Variants in PECR observed in about 807,000 individuals in gnomAD.
PECR encodes the protein 2,4-dienoyl-CoA reductase-related protein.
In PECR, 30 loss-of-function variants were observed where a neutral mutation model predicts 35.3. The observed-to-expected ratio is 0.85, with a 90% CI of 0.64 to 1.15. The LOEUF (loss-of-function observed/expected upper bound fraction) is 1.15. Ranked by LOEUF, PECR falls within the 50% of genes most tolerant of loss-of-function variation. The pLI is 0.00. For synonymous variants in PECR, 148 were observed against 138.9 expected, an observed-to-expected ratio of 1.07 and a Z score of -0.46; for missense variants, 392 against 370.8, an observed-to-expected ratio of 1.06 and a Z score of -0.47.
At chr2:216,035,462 C>T (rs1694778168), downstream of PECR, among the ~76,000 whole-genome samples, 1 of 151,698 alleles carries the variant, frequency 6.6e-6, no homozygotes, top group South Asian at 2.1e-4. Context: ...TGGGTGTCAG[C>T]CCCAGGGGTG....
At chr2:216,032,194 T>C (rs1694720691) in intron 7 of PECR, among the ~76,000 whole-genome samples, 1 of 152,248 alleles carries the variant, frequency 6.6e-6, no homozygotes, top group Admixed American at 6.5e-5. Flanking sequence ...TTGAAAAAGC[T>C]GACTCTGTTG....
chr2:216,040,659 A>C (rs1361444058), intron 7 of PECR, among the ~76,000 whole-genome samples: 1 of 152,170 alleles, frequency 6.6e-6, no homozygotes, highest in Admixed American at 6.5e-5. Context: ...ACCTGAGGTC[A>C]GGAGTTCGAG....
intron 4 of PECR, chr2:216,057,963 T>C (rs1433330671): frequency 6.6e-6 from 1 of 152,172 alleles, no homozygotes; most frequent in East Asian, 1.9e-4. Context: ...CCTGTAACTC[T>C]TGCTAGTACT....
chr2:216,068,480 G>T (rs547333228), intron 1 of PECR, among the ~76,000 whole-genome samples: 2 of 152,044 alleles, frequency 1.3e-5, no homozygotes, highest in East Asian at 1.9e-4. Flanking sequence ...TCTCAAAAAT[G>T]ATGGCAAAAT....
intron 1 of PECR, among the ~76,000 whole-genome samples, chr2:216,079,362 T>C (rs184242837): frequency 2.0e-5 from 3 of 151,882 alleles, no homozygotes; most frequent in African/African-American, 7.2e-5. Context: ...CATTTTTGCA[T>C]ATGTAATACT....
At chr2:216,042,852 G>C (rs900735459) in intron 7 of PECR, among the ~76,000 whole-genome samples, 3 of 151,538 alleles carry the variant, frequency 2.0e-5, no homozygotes, top group Admixed American at 6.6e-5. Flanking sequence ...CGCCTCCTGG[G>C]TTTACGTGAT....
Position 216,049,258 on chromosome 2 carries a change from C to G in PECR, c.714+5G>C, listed in dbSNP as rs1339781821. On this transcript the variant is annotated splice_donor_5th_base_variant and intron_variant, in intron 6 of 7. Coordinates refer to ENST00000265322, the MANE Select transcript of PECR (RefSeq NM_018441.6). ...ATTCTAATCAATGCTGGAAATATACCTTACCTCCTCAGGAACACCAATTCG... is the reference window on the plus strand; with the variant it reads ...ATTCTAATCAATGCTGGAAATATACGTTACCTCCTCAGGAACACCAATTCG... The G allele has an allele frequency of 7.3e-7, 1 of 1,366,676 alleles. No homozygotes were observed. Among genetic ancestry groups the G allele is most frequent in the Admixed American group, 1.7e-5 (1 of 59,716 alleles). The allele number at this position is 1,366,676 out of a possible 1,614,324, so 84.7% of individuals were successfully genotyped here. A position where few individuals can be genotyped will look rare whatever the true frequency, so the allele number is the denominator to read the frequency against.
intron 1 of PECR, 129 bp from the exon 2 acceptor site, chr2:216,066,647 T>C: frequency 2.5e-6 from 2 of 809,460 alleles, no homozygotes; most frequent in African/African-American, 1.7e-5. Context: ...ATTCCAACAA[T>C]AATAATATTG....
intron 1 of PECR, among the ~76,000 whole-genome samples, chr2:216,075,945 T>TA (rs1298321358): frequency 2.2e-4 from 34 of 152,274 alleles, no homozygotes; most frequent in Admixed American, 9.8e-4. Context: ...AACTTGAAGA[T>TA]AAAAAAACAT....
At chr2:216,074,493 A>AAGGAAGGAAGG (rs1166552066) in intron 1 of PECR, among the ~76,000 whole-genome samples, 10 of 132,998 alleles carry the variant, frequency 7.5e-5, no homozygotes, top group African/African-American at 1.9e-4. Flanking sequence ...AGAAAGAAAA[A>AAGGAAGGAAGG]AAGGAAGGAA....
chr2:216,078,601 AAG>A (rs1423651334), intron 1 of PECR, among the ~76,000 whole-genome samples: 1 of 152,010 alleles, frequency 6.6e-6, no homozygotes, highest in Non-Finnish European at 1.5e-5. Context: ...AAAAAAAAAA[AAG>A]AAAAAGATTT....
intron 3 of PECR, chr2:216,065,100 T>C (rs1695436789): frequency 1.7e-6 from 1 of 583,842 alleles, no homozygotes; most frequent in Admixed American, 3.0e-5. Context: ...CATAATAAAT[T>C]CCAAGAAATA....
At chr2:216,044,951 C>T (rs1226367618) in intron 6 of PECR, among the ~76,000 whole-genome samples, 1 of 152,190 alleles carries the variant, frequency 6.6e-6, no homozygotes, top group Non-Finnish European at 1.5e-5. Context: ...CTAGATCCTT[C>T]CAGGATCATT....
intron 4 of PECR, among the ~76,000 whole-genome samples, chr2:216,052,628 A>G (rs1024725026): frequency 2.6e-5 from 4 of 152,136 alleles, no homozygotes; most frequent in African/African-American, 4.8e-5. Context: ...TGCTTTTAAG[A>G]CTTTCTCTTT....
chr2:216,040,643 C>A (rs1402242455), intron 7 of PECR, among the ~76,000 whole-genome samples: 3 of 152,106 alleles, frequency 2.0e-5, no homozygotes, highest in Admixed American at 2.0e-4. Context: ...CCGAGGCAGG[C>A]GGATCACCTG....
At chr2:216,059,830 A>C (rs550388205) in intron 3 of PECR, among the ~76,000 whole-genome samples, 3 of 152,234 alleles carry the variant, frequency 2.0e-5, no homozygotes, top group African/African-American at 7.2e-5. Flanking sequence ...CTTTGCAATC[A>C]AGAAGCATTA....
intron 3 of PECR, among the ~76,000 whole-genome samples, chr2:216,059,357 C>A (rs757809522): frequency 6.6e-6 from 1 of 152,182 alleles, no homozygotes; most frequent in Non-Finnish European, 1.5e-5. Context: ...AATACGTGGT[C>A]TTTTGTGTCT....
chr2:216,048,056 CCTTTT>C (rs1421758663), intron 6 of PECR, among the ~76,000 whole-genome samples: 1 of 149,694 alleles, frequency 6.7e-6, no homozygotes, highest in Non-Finnish European at 1.5e-5. Context: ...GGAAAGACAT[CCTTTT>C]CTTTTCTTTA....
chr2:216,045,843 G>A (rs1173731136), intron 6 of PECR, among the ~76,000 whole-genome samples: 1 of 152,188 alleles, frequency 6.6e-6, no homozygotes, highest in African/African-American at 2.4e-5. Context: ...CACCCAAGTA[G>A]TCACAACCTC....
Sources: allele counts gnomAD v4.1 joint callset (sites outside exome capture counted in the v4.1 genomes callset), GRCh38; gene constraint gnomAD v4.1.1; transcripts MANE v1.5; gene names NCBI Gene and HGNC (gene_info 2026-07-23, HGNC 2026-07-21).